Variants in ITGA8 observed in about 807,000 individuals in gnomAD.
ITGA8 encodes integrin subunit alpha 8.
In ITGA8, 91 loss-of-function variants were observed where a neutral mutation model predicts 142.3. The ratio of observed to expected loss-of-function variants is 0.64; its 90% CI spans 0.54 to 0.76. ITGA8 has a LOEUF of 0.76. Among genes scored for constraint, ITGA8 ranks in the 30% least tolerant of loss-of-function variants. The pLI, the probability that ITGA8 is intolerant of heterozygous loss-of-function variation, is 0.00. For synonymous variants in ITGA8, 505 were observed against 485.2 expected (o/e 1.04, Z -0.54); for missense variants, 1,406 against 1,327.7 (o/e 1.06, Z -0.92).
intron 25 of ITGA8, among the ~76,000 whole-genome samples, chr10:15,569,086 A>T (rs1184078222): frequency 5.3e-5 from 8 of 152,200 alleles, no homozygotes; most frequent in Middle Eastern, 3.2e-3. Flanking sequence ...GCATTTTTCC[A>T]GTGGGAAGTG....
At chr10:15,719,366 C>A (rs183864315) in intron 1 of ITGA8, among the ~76,000 whole-genome samples, 197 bp downstream of exon 1, 1 of 152,324 alleles carries the variant, frequency 6.6e-6, no homozygotes, top group Non-Finnish European at 1.5e-5. Context: ...AGTGGCATGT[C>A]TCTAGCTCAA....
chr10:15,626,473 C>A (rs914932148), intron 13 of ITGA8, among the ~76,000 whole-genome samples: 7 of 152,118 alleles, frequency 4.6e-5, no homozygotes, highest in African/African-American at 1.7e-4. Context: ...CCCACCTTGG[C>A]CTCCCAAAGT....
chr10:15,581,330 A>G (rs989334526), intron 23 of ITGA8, among the ~76,000 whole-genome samples: 2 of 152,242 alleles, frequency 1.3e-5, no homozygotes, highest in South Asian at 2.1e-4. Context: ...TCACATGTCA[A>G]TAGCAGAAAA....
chr10:15,605,185 G>A (rs9333164), intron 19 of ITGA8, among the ~76,000 whole-genome samples: 1 of 152,140 alleles, frequency 6.6e-6, no homozygotes, highest in Non-Finnish European at 1.5e-5. Flanking sequence ...GCAATTTCCA[G>A]TGCTGGAATG....
At chr10:15,530,975 G>A (rs1017756779) in intron 28 of ITGA8, 75 bp downstream of exon 28, 8 of 902,394 alleles carry the variant, frequency 8.9e-6, no homozygotes, top group East Asian at 5.6e-5. Context: ...CTAAAGCCTA[G>A]CACAAGCTAG....
At chr10:15,604,723 C>A (rs1355820585) in intron 19 of ITGA8, among the ~76,000 whole-genome samples, 1 of 151,908 alleles carries the variant, frequency 6.6e-6, no homozygotes, top group African/African-American at 2.4e-5. Flanking sequence ...ATTTCACTTA[C>A]AAGCCAGAAT....
At position 15,556,018 on chromosome 10, in the gene ITGA8, C is replaced by CTTTTTTTT. The variant is rs869241754; in HGVS notation, c.2766+2048_2766+2055dup. Reference sequence around the variant, plus strand: ...GTCTTCTGCCAGGGTCTCTCTCTCTCTTTTTTTTTTTTTTTTTTTTTTTTT... The same window carrying CTTTTTTTT: ...GTCTTCTGCCAGGGTCTCTCTCTCTCTTTTTTTTTTTTTTTTTTTTTTTTTTTTTTTTT... On this transcript the variant is annotated intron_variant, in intron 26 of 29. Coordinates refer to ENST00000378076, the MANE Select transcript of ITGA8 (RefSeq NM_003638.3). Among the ~76,000 whole-genome samples, 9 of 53,634 alleles carry CTTTTTTTT rather than the reference C, an allele frequency of 1.7e-4. 3 individuals carry two copies. Among genetic ancestry groups the CTTTTTTTT allele is most frequent in the African/African-American group, 2.6e-4 (3 of 11,642 alleles). 35.2% of individuals were successfully genotyped at this position (53,634 alleles called of 152,430 possible). A position where few individuals can be genotyped will look rare whatever the true frequency, so the allele number is the denominator to read the frequency against.
chr10:15,714,880 C>G (rs1214774456), intron 2 of ITGA8, among the ~76,000 whole-genome samples: 3 of 152,058 alleles, frequency 2.0e-5, no homozygotes, highest in Non-Finnish European at 2.9e-5. Context: ...CCCCAGGGAC[C>G]TGAACAAGTT....
chr10:15,624,993 A>G (rs1353872403), intron 13 of ITGA8, among the ~76,000 whole-genome samples: 1 of 152,204 alleles, frequency 6.6e-6, no homozygotes, highest in East Asian at 1.9e-4. Flanking sequence ...TGTTAATCTA[A>G]AAATAGAAGT....
intron 25 of ITGA8, among the ~76,000 whole-genome samples, chr10:15,563,842 C>G (rs2353413): frequency 0.4 from 59,762 of 151,282 alleles, 12,385 homozygotes; most frequent in African/African-American, 0.52. Context: ...GCTTGAACCT[C>G]GGAGGCAGAG....
intron 1 of ITGA8, 26 bp from the exon 2 acceptor site, chr10:15,718,925 T>C (rs1343337048): frequency 1.9e-6 from 3 of 1,613,424 alleles, no homozygotes; most frequent in Non-Finnish European, 2.5e-6. Flanking sequence ...AGAAAGTCAC[T>C]CTTTGGGCGC....
chr10:15,680,916 G>A (rs564248497), intron 4 of ITGA8, among the ~76,000 whole-genome samples: 8 of 151,588 alleles, frequency 5.3e-5, no homozygotes, highest in Non-Finnish European at 1.2e-4. Flanking sequence ...TATGAGAGCT[G>A]AAGGACTCTT....
chr10:15,536,078 A>G (rs963741600), intron 27 of ITGA8, among the ~76,000 whole-genome samples: 5 of 151,984 alleles, frequency 3.3e-5, no homozygotes, highest in African/African-American at 7.3e-5. Context: ...TCCGAACATC[A>G]GAAGGAACAA....
chr10:15,565,607 T>TTTTTTTTTTTA (rs1834064320), intron 25 of ITGA8, among the ~76,000 whole-genome samples: 1 of 130,940 alleles, frequency 7.6e-6, no homozygotes, highest in Non-Finnish European at 1.6e-5. Flanking sequence ...TTTTTTTTTT[T>TTTTTTTTTTTA]GAGACAGAGT....
intron 8 of ITGA8, among the ~76,000 whole-genome samples, chr10:15,669,998 T>C (rs1042961763): frequency 4.6e-5 from 7 of 152,166 alleles, no homozygotes; most frequent in Non-Finnish European, 8.8e-5. Flanking sequence ...CGTTCTCAGA[T>C]CTCAAGCTGC....
intron 2 of ITGA8, 84 bp downstream of exon 2, chr10:15,718,682 C>A: frequency 6.4e-7 from 1 of 1,554,500 alleles, no homozygotes. Flanking sequence ...GAGCAGCACA[C>A]CAAGACAGCG....
At position 15,660,875 on chromosome 10, in the gene ITGA8, T is replaced by G. The variant is rs2131671683; in HGVS notation, c.891+4A>C. ...TATTCCTGTAATGCATTCTCAGTAC[T>G]CACATATCCAAAATTCTGTGCTCCT... On this transcript the variant is annotated splice_donor_region_variant and intron_variant, in intron 9 of 29. Coordinates refer to ENST00000378076, the MANE Select transcript of ITGA8 (RefSeq NM_003638.3). The G allele has an allele frequency of 6.2e-7, 1 of 1,612,536 alleles. No homozygotes were observed. Among genetic ancestry groups the G allele is most frequent in the Non-Finnish European group, 8.5e-7 (1 of 1,178,734 alleles).
At chr10:15,598,028 G>A (rs1245652259) in intron 20 of ITGA8, among the ~76,000 whole-genome samples, 1 of 152,116 alleles carries the variant, frequency 6.6e-6, no homozygotes, top group Non-Finnish European at 1.5e-5. Flanking sequence ...ATGTCCGCAT[G>A]CTTTTCCCAG....
chr10:15,705,392 A>C (rs558885526), intron 2 of ITGA8, among the ~76,000 whole-genome samples: 1 of 152,300 alleles, frequency 6.6e-6, no homozygotes, highest in South Asian at 2.1e-4. Flanking sequence ...CATCCAATCC[A>C]GCAGCTCATC....
Sources: allele counts gnomAD v4.1 joint callset (sites outside exome capture counted in the v4.1 genomes callset), GRCh38; gene constraint gnomAD v4.1.1; transcripts MANE v1.5; gene names NCBI Gene and HGNC (gene_info 2026-07-23, HGNC 2026-07-21).